Variants in STAB2 observed in about 807,000 individuals in gnomAD.
The protein encoded by STAB2 is stabilin 2.
Under a neutral mutation model 338.1 loss-of-function variants are expected in STAB2, and 288 were observed. That is an observed-to-expected ratio of 0.85 (90% CI 0.77 to 0.94). The LOEUF (loss-of-function observed/expected upper bound fraction) is 0.94. STAB2 is among the 40% of genes least tolerant of loss of function. STAB2 has a pLI of 0.00. For missense variants in STAB2, 3,141 were observed against 3,210.1 expected, an observed-to-expected ratio of 0.98 and a Z score of 0.52; for synonymous variants, 1,202 against 1,193.3, an observed-to-expected ratio of 1.01 and a Z score of -0.15.
At chr12:103,632,660 T>C (rs930233903) in intron 6 of STAB2, among the ~76,000 whole-genome samples, 1 of 152,166 alleles carries the variant, frequency 6.6e-6, no homozygotes, top group Non-Finnish European at 1.5e-5. Flanking sequence ...GGTGCACCGC[T>C]GGGGCAGAGC....
intron 48 of STAB2, 82 bp from the exon 49 acceptor site, chr12:103,730,034 A>G (rs1393528456): frequency 4.4e-6 from 6 of 1,371,620 alleles, no homozygotes; most frequent in East Asian, 2.5e-5. Flanking sequence ...AATTTGACAC[A>G]TTGGTAAAGC....
chr12:103,698,277 T>C (rs984046003), intron 33 of STAB2, among the ~76,000 whole-genome samples: 10 of 152,268 alleles, frequency 6.6e-5, no homozygotes, highest in South Asian at 2.1e-4. Flanking sequence ...AGGCAATCAC[T>C]TAGGAACCTT....
intron 53 of STAB2, among the ~76,000 whole-genome samples, chr12:103,738,240 C>A (rs369640261): frequency 6.6e-6 from 1 of 152,270 alleles, no homozygotes; most frequent in East Asian, 1.9e-4. Flanking sequence ...CCACTCACAC[C>A]TCTATTCACT....
At chr12:103,741,156 C>G (rs1359794927) in intron 55 of STAB2, among the ~76,000 whole-genome samples, 1 of 152,124 alleles carries the variant, frequency 6.6e-6, no homozygotes, top group Non-Finnish European at 1.5e-5. Context: ...GCCATAATTT[C>G]CTGAGCGCAC....
At chr12:103,659,685 CCTGT>C (rs1449499832) in intron 15 of STAB2, among the ~76,000 whole-genome samples, 2 of 152,200 alleles carry the variant, frequency 1.3e-5, no homozygotes, top group African/African-American at 4.8e-5. Context: ...GGCTGCTCAT[CCTGT>C]CTATGGTCTC....
intron 41 of STAB2, among the ~76,000 whole-genome samples, chr12:103,712,753 T>C (rs780958153): frequency 4.6e-5 from 7 of 152,260 alleles, no homozygotes; most frequent in Non-Finnish European, 7.3e-5. Context: ...CATTACTATA[T>C]ACCCTAGAAA....
intron 38 of STAB2, 109 bp from the exon 39 acceptor site, chr12:103,708,332 T>G (rs1879547756): frequency 9.2e-7 from 1 of 1,086,742 alleles, no homozygotes; most frequent in Non-Finnish European, 1.4e-6. Flanking sequence ...CTATGATTCC[T>G]AGAAGTAGGT....
intron 9 of STAB2, among the ~76,000 whole-genome samples, chr12:103,645,859 G>A (rs1405665703): frequency 6.9e-6 from 1 of 144,550 alleles, no homozygotes; most frequent in African/African-American, 2.5e-5. Flanking sequence ...GATGTCTCTA[G>A]ACATTGCCAA....
Position 103,755,385 on chromosome 12 carries a change from C to T in STAB2, c.6798C>T (p.Gly2266=). 2 of 1,614,120 alleles carry T rather than the reference C, an allele frequency of 1.2e-6. No homozygotes were observed. Among genetic ancestry groups the T allele is most frequent in the Non-Finnish European group, 1.7e-6 (2 of 1,180,014 alleles). The change falls in exon 62 of 69, where the codon GGC becomes GGT. Residue 2266 remains glycine, a synonymous_variant. Coordinates refer to ENST00000388887, the MANE Select transcript of STAB2 (RefSeq NM_017564.10). The part of the protein sequence containing the change: ...YPTAFASQNC[G]SGVVGIVDYG... The stretch of plus-strand genomic sequence containing the variant: ...CAGCCTTCGCCTCCCAGAACTGTGG[C>T]TCTGGTGTGGTTGGGATAGTGGACT...
chr12:103,713,812 C>G (rs1191537600), intron 42 of STAB2, 44 bp downstream of exon 42: 1 of 1,607,900 alleles, frequency 6.2e-7, no homozygotes, highest in East Asian at 2.2e-5. Flanking sequence ...GTATAAGAGT[C>G]ATAGCCCTAT....
chr12:103,622,643 ACCAAGT>A (rs1222422729), intron 5 of STAB2, among the ~76,000 whole-genome samples: 24 of 152,344 alleles, frequency 1.6e-4, no homozygotes, highest in African/African-American at 5.5e-4. Flanking sequence ...AACATGTGTA[ACCAAGT>A]CTACATAGAG....
At chr12:103,634,190 C>T (rs373629421) in intron 6 of STAB2, among the ~76,000 whole-genome samples, 4 of 151,946 alleles carry the variant, frequency 2.6e-5, no homozygotes, top group East Asian at 3.9e-4. Flanking sequence ...TAAAATTGTG[C>T]GCCAAGGTGT....
At position 103,762,465 on chromosome 12, in the gene STAB2, G is replaced by C. The variant is rs530628260; in HGVS notation, c.7488+63G>C. On this transcript the variant is annotated intron_variant, in intron 67 of 68. Coordinates refer to ENST00000388887, the MANE Select transcript of STAB2 (RefSeq NM_017564.10). ...CTCCAAAAACCCAGTCCCTGGACCT[G>C]GGCTGCTTCAGTCGGTGGCTGCGCC... The C allele has an allele frequency of 4.2e-5, 67 of 1,609,524 alleles. 1 individual carries two copies. The East Asian group carries it at 4.7e-4, about 11-fold the overall frequency.
chr12:103,604,466 T>C (rs1264513746), intron 3 of STAB2, among the ~76,000 whole-genome samples: 2 of 152,088 alleles, frequency 1.3e-5, no homozygotes, highest in African/African-American at 4.8e-5. Flanking sequence ...TGAGATAGTA[T>C]TCACCAACAA....
At chr12:103,749,262 C>T in intron 59 of STAB2, 106 bp downstream of exon 59, 3 of 1,238,576 alleles carry the variant, frequency 2.4e-6, no homozygotes, top group South Asian at 1.8e-5. Flanking sequence ...TCTTCCTAAA[C>T]ATTTTTTCTA....
chr12:103,765,729 A>G (rs1184434715), intron 68 of STAB2, among the ~76,000 whole-genome samples: 2 of 130,398 alleles, frequency 1.5e-5, no homozygotes, highest in Non-Finnish European at 3.4e-5. Context: ...TTTTGTAGAG[A>G]TAAGGTTTCA....
At chr12:103,725,449 C>T (rs1461903122) in intron 45 of STAB2, among the ~76,000 whole-genome samples, 1 of 152,226 alleles carries the variant, frequency 6.6e-6, no homozygotes. Flanking sequence ...CAAACTGCAT[C>T]AGGTTGTTAA....
chr12:103,713,132 G>T (rs892319984), intron 41 of STAB2, among the ~76,000 whole-genome samples: 1 of 152,176 alleles, frequency 6.6e-6, no homozygotes, highest in Non-Finnish European at 1.5e-5. Context: ...GGGATAATAA[G>T]AAGACCTCCC....
intron 47 of STAB2, 21 bp from the exon 48 acceptor site, chr12:103,728,828 C>T (rs773754402): frequency 6.2e-7 from 1 of 1,612,814 alleles, no homozygotes; most frequent in South Asian, 1.1e-5. Context: ...CTGGCTGAAA[C>T]CCTCTGATCT....
Sources: allele counts gnomAD v4.1 joint callset (sites outside exome capture counted in the v4.1 genomes callset), GRCh38; gene constraint gnomAD v4.1.1; transcripts MANE v1.5; gene names NCBI Gene and HGNC (gene_info 2026-07-23, HGNC 2026-07-21).